ZNFX1: variants seen among roughly 807,000 people sequenced by gnomAD.
ZNFX1 encodes the protein zinc finger NFX1-type containing 1.
A neutral mutation model predicts 179.8 loss-of-function variants in ZNFX1; 78 were observed. That is an observed-to-expected ratio of 0.43 (90% CI 0.36 to 0.52). The LOEUF (loss-of-function observed/expected upper bound fraction) is 0.52. ZNFX1 is among the 20% of genes least tolerant of loss of function. The pLI, the probability that ZNFX1 is intolerant of heterozygous loss-of-function variation, is 0.00. For synonymous variants in ZNFX1, 848 were observed against 868.5 expected (o/e 0.98, Z 0.42); for missense variants, 1,927 against 2,386.6 (o/e 0.81, Z 4.01).
intron 6 of ZNFX1, among the ~76,000 whole-genome samples, chr20:49,261,232 G>A (rs1600991432): frequency 6.6e-6 from 1 of 151,932 alleles, no homozygotes; most frequent in East Asian, 1.9e-4. Flanking sequence ...TATCTCAAAA[G>A]AAAAAAGAAT....
chr20:49,257,674 A>T lies in ZNFX1; in HGVS notation c.2417-10T>A. The T allele has an allele frequency of 6.2e-7, 1 of 1,610,976 alleles. No homozygotes were observed. On this transcript the variant is annotated splice_polypyrimidine_tract_variant and intron_variant, in intron 7 of 13. Transcript: ENST00000396105. ...TCCCCTTCTGCCTGGGCTAAGAGAG[A>T]GAAACAGGCAGGAGAGAGATGAAAA...
intron 11 of ZNFX1, 67 bp from the exon 12 acceptor site, chr20:49,252,897 C>T (rs760304246): frequency 1.1e-5 from 14 of 1,226,552 alleles, no homozygotes; most frequent in Non-Finnish European, 1.6e-5. Flanking sequence ...TACTTCCATC[C>T]ATCCAACCAA....
At position 49,270,590 on chromosome 20, in the gene ZNFX1, T is replaced by C; in HGVS notation, c.1222A>G (p.Ile408Val). 1 of 1,614,212 alleles carries C rather than the reference T, an allele frequency of 6.2e-7. No homozygotes were observed. The change falls in exon 3 of 14, where the codon ATC becomes GTC. Residue 408 changes from isoleucine to valine, a missense_variant. Coordinates refer to ENST00000396105, the MANE Select transcript of ZNFX1 (RefSeq NM_021035.3). This position sits in a 1 kb window ranked among gnomAD's most constrained non-coding sequence, Gnocchi z 4.6. ...QGLRKRKFDD[I>V]RIYFDTRIIT... ...ATCCTGGTGTCAAAGTAGATTCGGA[T>C]GTCATCAAACTTTCTCTTCCTCAGG...
chr20:49,273,370 G>C (rs1981471597), intron 2 of ZNFX1, among the ~76,000 whole-genome samples: 1 of 151,788 alleles, frequency 6.6e-6, no homozygotes, highest in Non-Finnish European at 1.5e-5. Context: ...CTGACCTCGT[G>C]ATCCGCCTGC....
chr20:49,267,477 G>GTT (rs10695260), intron 3 of ZNFX1, among the ~76,000 whole-genome samples: 26,752 of 140,958 alleles, frequency 0.19, 2,557 homozygotes, highest in Non-Finnish European at 0.22. Flanking sequence ...GTTACATAAA[G>GTT]TTTTTTTTTT....
chr20:49,254,212 A>C (rs575024482), intron 10 of ZNFX1, among the ~76,000 whole-genome samples: 1 of 152,136 alleles, frequency 6.6e-6, no homozygotes, highest in Admixed American at 6.5e-5. Flanking sequence ...TTTTTAGTAG[A>C]GATGAGATTT....
At chr20:49,277,643 AAG>A (rs1292966411) in intron 1 of ZNFX1, among the ~76,000 whole-genome samples, 1 of 151,138 alleles carries the variant, frequency 6.6e-6, no homozygotes, top group Non-Finnish European at 1.5e-5. Context: ...GGGGACACTA[AAG>A]AGAGTACAGG....
Position 49,247,190 on chromosome 20 carries a change from A to C in ZNFX1, c.*77T>G. The stretch of plus-strand genomic sequence containing the variant: ...CCTAAAAAGGATGATAATAAAAAAC[A>C]AACTTCAGTTCCTTCATTAGGGAGC... On this transcript the variant is annotated 3_prime_UTR_variant, in exon 14 of 14. Coordinates refer to ENST00000396105, the MANE Select transcript of ZNFX1 (RefSeq NM_021035.3). The C allele has an allele frequency of 6.6e-7, 1 of 1,521,042 alleles. No homozygotes were observed. 94.2% of individuals were successfully genotyped at this position (1,521,042 alleles called of 1,614,324 possible).
Position 49,249,685 on chromosome 20 carries a change from T to C in ZNFX1, c.3339A>G (p.Val1113=). The C allele has an allele frequency of 6.2e-7, 1 of 1,612,808 alleles. No individual in the cohort carries two copies. The highest frequency in any genetic ancestry group is 2.2e-5 in the East Asian group (1 of 44,848). ...IKGVSSNLFF[V]EHNFPEQEIQ... ...TTTCCTGTTCAGGAAAGTTGTGTTCTACAAAGAAAAGGTTGGAAGACACCC... is the reference window on the plus strand; with the variant it reads ...TTTCCTGTTCAGGAAAGTTGTGTTCCACAAAGAAAAGGTTGGAAGACACCC... Residue 1113 remains valine (V), a synonymous_variant, in exon 14 of 14, where the codon GTA becomes GTG. Transcript: ENST00000396105.
intron 2 of ZNFX1, among the ~76,000 whole-genome samples, chr20:49,273,389 C>T (rs1981472612): frequency 6.6e-6 from 1 of 152,098 alleles, no homozygotes; most frequent in African/African-American, 2.4e-5. Flanking sequence ...GCCTCGGCCT[C>T]CCAAAGTGCT....
chr20:49,260,684 G>T, intron 6 of ZNFX1, 107 bp from the exon 7 acceptor site: 1 of 744,890 alleles, frequency 1.3e-6, no homozygotes, highest in Non-Finnish European at 2.1e-6. Flanking sequence ...GCTCATGCCT[G>T]TAATCCCAGC....
In ZNFX1 at chr20:49,270,754, A is replaced by C; in HGVS notation, c.1058T>G (p.Leu353Arg). The change falls in exon 3 of 14, where the codon CTT (leucine) becomes CGT (arginine). Residue 353 changes from leucine to arginine, a missense_variant. By Grantham distance (102) the Leu-to-Arg change is moderately radical. Coordinates refer to ENST00000396105, the MANE Select transcript of ZNFX1 (RefSeq NM_021035.3). This position sits in a 1 kb window ranked among gnomAD's most constrained non-coding sequence, Gnocchi z 4.6. ...TTTTCCAGAAATGATATTGGGGCGA[A>C]GGAAGGGCCTCTCATCCAAGTGCAC... ...NEVHLDERPF[L>R]RPNIISGKYD... 1 of 1,614,194 alleles carries C rather than the reference A, an allele frequency of 6.2e-7. No homozygotes were observed. Among genetic ancestry groups the C allele is most frequent in the Non-Finnish European group, 8.5e-7 (1 of 1,180,044 alleles).
At chr20:49,260,408 G>C in intron 7 of ZNFX1, 55 bp downstream of exon 7, 1 of 1,219,570 alleles carries the variant, frequency 8.2e-7, no homozygotes, top group Non-Finnish European at 1.2e-6. Flanking sequence ...CACTGTTCTG[G>C]TATTTACTAT....
rs761250796 is a variant in ZNFX1 at position 49,270,751 on chromosome 20, C to T, written c.1061G>A (p.Arg354His). ...GTATTTTCCAGAAATGATATTGGGG[C>T]GAAGGAAGGGCCTCTCATCCAAGTG... ...EVHLDERPFL[R>H]PNIISGKYDS... Residue 354 changes from arginine (R) to histidine (H), a missense_variant, in exon 3 of 14, where the codon CGC (arginine) becomes CAC (histidine). Transcript: ENST00000396105. This position sits in a 1 kb window ranked among gnomAD's most constrained non-coding sequence, Gnocchi z 4.6. 1.1e-5 allele frequency: 18 copies of T among 1,613,894 alleles called. No homozygotes were observed. Among genetic ancestry groups the T allele is most frequent in the South Asian group, 8.8e-5 (8 of 91,062 alleles).
chr20:49,257,685 G>A (rs1284842689), intron 7 of ZNFX1, 21 bp from the exon 8 acceptor site: 1 of 1,584,138 alleles, frequency 6.3e-7, no homozygotes, highest in South Asian at 1.2e-5. Context: ...GAAACAGGCA[G>A]GAGAGAGATG....
At position 49,252,874 on chromosome 20, in the gene ZNFX1, A is replaced by T. The variant is rs769560021; in HGVS notation, c.3106-44T>A. On this transcript the variant is annotated intron_variant, in intron 11 of 13. Transcript: ENST00000396105. Reference sequence around the variant, plus strand: ...CTGAGGATTCTCTACTGATAAAGTCATTTAACCATCCATACTTCCATCCAT... The same window carrying T: ...CTGAGGATTCTCTACTGATAAAGTCTTTTAACCATCCATACTTCCATCCAT... The T allele has an allele frequency of 2.0e-6, 3 of 1,474,290 alleles. No homozygotes were observed. In the Admixed American group the frequency reaches 5.0e-5, roughly 25 times the overall value. 91.3% of individuals were successfully genotyped at this position (1,474,290 alleles called of 1,614,324 possible). A position where few individuals can be genotyped will look rare whatever the true frequency, so the allele number is the denominator to read the frequency against.
rs368724322 is a variant in ZNFX1, at chr20:49,271,710, C to T, written c.102G>A (p.Gln34=). 2.1e-5 allele frequency: 34 copies of T among 1,613,670 alleles called. No homozygotes were observed. The Middle Eastern group carries it at 9.9e-4, about 47-fold the overall frequency. ...GAGCATTGGCTGGTGGGTTATTGGCCTGATTTCTAGCTCTTGGTGGTAACT... is the reference window on the plus strand; with the variant it reads ...GAGCATTGGCTGGTGGGTTATTGGCTTGATTTCTAGCTCTTGGTGGTAACT... ...DGELPPRARN[Q]ANNPPANALR... is the part of the protein sequence containing the mutation. Residue 34 remains glutamine (Q), a synonymous_variant, in exon 3 of 14, where the codon CAG becomes CAA. Coordinates refer to ENST00000396105, the MANE Select transcript of ZNFX1 (RefSeq NM_021035.3).
At chr20:49,256,088 C>T in intron 8 of ZNFX1, 141 bp from the exon 9 acceptor site, 1 of 1,091,098 alleles carries the variant, frequency 9.2e-7, no homozygotes, top group East Asian at 2.5e-5. Flanking sequence ...CCCAACAGCT[C>T]TTCCACTGTA....
chr20:49,267,480 T>G (rs1981266776), intron 3 of ZNFX1, among the ~76,000 whole-genome samples: 1 of 151,468 alleles, frequency 6.6e-6, no homozygotes, highest in South Asian at 2.1e-4. Flanking sequence ...ACATAAAGTT[T>G]TTTTTTTTTT....
Sources: gnomAD v4.1 joint callset for allele counts (sites outside exome capture counted in the v4.1 genomes callset) on GRCh38, gnomAD v4.1.1 for gene constraint, Gnocchi (gnomAD v3.1) non-coding constraint, MANE v1.5 for transcripts, NCBI Gene and HGNC (gene_info 2026-07-23, HGNC 2026-07-21) for gene names.